Variants in PPM1H observed in about 807,000 individuals in gnomAD.
The protein encoded by PPM1H is protein phosphatase 1H.
A neutral mutation model predicts 54.9 loss-of-function variants in PPM1H; 27 were observed. The observed-to-expected ratio is 0.49, with a 90% confidence interval of 0.36 to 0.68. PPM1H has a LOEUF of 0.68. Ranked by LOEUF, PPM1H falls within the 30% of genes least tolerant of loss-of-function variation. PPM1H has a pLI of 0.00. For missense variants in PPM1H, 596 were observed against 667.8 expected (o/e 0.89, Z 1.19); for synonymous variants, 305 against 270.8 (o/e 1.13, Z -1.24).
intron 4 of PPM1H, among the ~76,000 whole-genome samples, chr12:62,768,288 C>A (rs1453432163): frequency 5.6e-4 from 85 of 151,998 alleles, no homozygotes; most frequent in Non-Finnish European, 1.8e-4. Context: ...TGGGGGAGCA[C>A]ATTGGGACAG....
At chr12:62,859,815 T>A (rs1869532234) in intron 1 of PPM1H, among the ~76,000 whole-genome samples, 1 of 152,212 alleles carries the variant, frequency 6.6e-6, no homozygotes, top group Non-Finnish European at 1.5e-5. Context: ...CCATTGTTGC[T>A]GTGGGGGCCA....
At chr12:62,820,615 C>T (rs984263961) in intron 2 of PPM1H, among the ~76,000 whole-genome samples, 5 of 152,184 alleles carry the variant, frequency 3.3e-5, no homozygotes, top group African/African-American at 4.8e-5. Context: ...GCTGGTGATA[C>T]CTAAGCAAAT....
chr12:62,785,328 C>T (rs569610561), intron 4 of PPM1H, among the ~76,000 whole-genome samples: 6 of 152,286 alleles, frequency 3.9e-5, no homozygotes, highest in African/African-American at 1.4e-4. Flanking sequence ...CGGCGTGTGC[C>T]GCCACACCCG....
intron 1 of PPM1H, among the ~76,000 whole-genome samples, chr12:62,914,716 G>A (rs1226012128): frequency 1.3e-5 from 2 of 152,188 alleles, no homozygotes. Flanking sequence ...CAGCCTAGAA[G>A]TGACACTTCA....
chr12:62,876,862 T>C (rs1870191098), intron 1 of PPM1H, among the ~76,000 whole-genome samples: 1 of 152,208 alleles, frequency 6.6e-6, no homozygotes, highest in Admixed American at 6.5e-5. Context: ...TTGTACCCAG[T>C]TGCCGAAGGT....
intron 5 of PPM1H, among the ~76,000 whole-genome samples, chr12:62,721,478 C>T (rs749931952): frequency 6.6e-6 from 1 of 152,122 alleles, no homozygotes; most frequent in Non-Finnish European, 1.5e-5. Context: ...TTTGCTGTAG[C>T]CTCAACAGTT....
chr12:62,873,012 C>T (rs1174740542), intron 1 of PPM1H, among the ~76,000 whole-genome samples: 1 of 152,116 alleles, frequency 6.6e-6, no homozygotes, highest in East Asian at 1.9e-4. Context: ...AAGAAAAATA[C>T]TACTTTTTTA....
chr12:62,779,714 T>G (rs911333004), intron 4 of PPM1H, among the ~76,000 whole-genome samples: 2 of 152,256 alleles, frequency 1.3e-5, no homozygotes, highest in Admixed American at 6.5e-5. Context: ...TCAGGCCATC[T>G]GAGTCCAGAG....
At chr12:62,751,987 A>C (rs547759729) in intron 4 of PPM1H, among the ~76,000 whole-genome samples, 22 of 152,320 alleles carry the variant, frequency 1.4e-4, no homozygotes, top group African/African-American at 4.8e-4. Flanking sequence ...TCAGTTCCTT[A>C]CAAGCAAAGG....
intron 2 of PPM1H, among the ~76,000 whole-genome samples, chr12:62,806,752 C>T (rs528311337): frequency 6.6e-6 from 1 of 152,360 alleles, no homozygotes; most frequent in East Asian, 1.9e-4. Flanking sequence ...GCTTCCTGTA[C>T]AGCCTGTGGA....
chr12:62,804,680 T>TTC lies in PPM1H; in HGVS notation c.412-2521_412-2520insGA, dbSNP rs1254431174. On this transcript the variant is annotated intron_variant, in intron 2 of 9. Transcript: ENST00000228705. The stretch of plus-strand genomic sequence containing the variant: ...TTGGTTAATTTCTTTTTTTTTCTTT[T>TTC]TTTTTTTTTTTTTGAGACGGAGTCT... 1.9e-4 allele frequency among the ~76,000 whole-genome samples: 27 copies of TTC among 140,852 alleles called. 1 individual carries two copies. The East Asian group carries it at 5.3e-3, about 28-fold the overall frequency. 92.4% of individuals were successfully genotyped at this position (140,852 alleles called of 152,430 possible).
chr12:62,815,171 G>C (rs760567514), intron 2 of PPM1H, among the ~76,000 whole-genome samples: 2 of 150,170 alleles, frequency 1.3e-5, no homozygotes, highest in African/African-American at 5.0e-5. Flanking sequence ...AGCGTTGTTC[G>C]CTTTTTACCA....
intron 4 of PPM1H, among the ~76,000 whole-genome samples, chr12:62,749,966 C>T (rs529300877): frequency 1.3e-5 from 2 of 152,192 alleles, no homozygotes; most frequent in African/African-American, 4.8e-5. Flanking sequence ...TTTTGCTATA[C>T]CAGCAACACT....
chr12:62,692,241 C>T (rs1222414845), intron 7 of PPM1H, among the ~76,000 whole-genome samples: 1 of 152,150 alleles, frequency 6.6e-6, no homozygotes, highest in Non-Finnish European at 1.5e-5. Context: ...AAAATGGAGA[C>T]ATGGTGGCTT....
chr12:62,752,854 T>C (rs1301284327), intron 4 of PPM1H, among the ~76,000 whole-genome samples: 3 of 152,194 alleles, frequency 2.0e-5, no homozygotes. Context: ...GCAAATCTGC[T>C]GAGGTTCCCA....
intron 2 of PPM1H, among the ~76,000 whole-genome samples, chr12:62,818,160 A>G (rs1451286757): frequency 2.0e-5 from 3 of 152,176 alleles, no homozygotes; most frequent in African/African-American, 7.2e-5. Flanking sequence ...CACGCATCTT[A>G]TGTAAGTACA....
chr12:62,912,350 G>A (rs1052646509), intron 1 of PPM1H, among the ~76,000 whole-genome samples: 4 of 152,196 alleles, frequency 2.6e-5, no homozygotes, highest in African/African-American at 9.7e-5. Flanking sequence ...GGCAGTAACA[G>A]ATGTTTATTT....
chr12:62,731,789 G>A lies in PPM1H; in HGVS notation c.954+5713C>T, dbSNP rs374116069. Among the ~76,000 whole-genome samples the A allele has an allele frequency of 1.2e-4, 18 of 152,264 alleles. No individual in the cohort carries two copies. The South Asian group carries it at 3.5e-3, about 30-fold the overall frequency. On this transcript the variant is annotated intron_variant, in intron 5 of 9. Coordinates refer to ENST00000228705, the MANE Select transcript of PPM1H (RefSeq NM_020700.2). Reference sequence around the variant, plus strand: ...CACGACTTAATGTAATCAAGTCAGAGTTTATAAATATGTACCGGCAGAATG... The same window carrying A: ...CACGACTTAATGTAATCAAGTCAGAATTTATAAATATGTACCGGCAGAATG...
intron 9 of PPM1H, among the ~76,000 whole-genome samples, chr12:62,653,557 C>T (rs2075826809): frequency 6.6e-6 from 1 of 152,200 alleles, no homozygotes; most frequent in Admixed American, 6.5e-5. Flanking sequence ...TGTTCTGTTA[C>T]ACCCAGGTTT....
Sources: gnomAD v4.1 joint callset for allele counts (sites outside exome capture counted in the v4.1 genomes callset) on GRCh38, gnomAD v4.1.1 for gene constraint, MANE v1.5 for transcripts, NCBI Gene and HGNC (gene_info 2026-07-23, HGNC 2026-07-21) for gene names.